BRCA1: variants seen among roughly 807,000 people sequenced by gnomAD.
BRCA1 encodes breast cancer type 1 susceptibility protein.
Under a neutral mutation model 173.7 loss-of-function variants are expected in BRCA1, and 140 were observed. The ratio of observed to expected loss-of-function variants is 0.81; its 90% CI spans 0.70 to 0.93. The LOEUF is 0.93. Among genes scored for constraint, BRCA1 ranks in the 40% least tolerant of loss-of-function variants. The pLI, the probability that BRCA1 is intolerant of heterozygous loss-of-function variation, is 0.00. For missense variants in BRCA1, 1,983 were observed against 2,172.5 expected, an observed-to-expected ratio of 0.91 and a Z score of 1.73; for synonymous variants, 662 against 756.0, an observed-to-expected ratio of 0.88 and a Z score of 2.04.
intron 11 of BRCA1, among the ~76,000 whole-genome samples, chr17:43,082,949 T>G (rs2053086266): frequency 6.6e-6 from 1 of 152,190 alleles, no homozygotes; most frequent in African/African-American, 2.4e-5. Flanking sequence ...ATGGGCACAT[T>G]TCAAAGACTT....
chr17:43,087,106 T>C (rs1170987815), intron 11 of BRCA1, among the ~76,000 whole-genome samples: 1 of 152,176 alleles, frequency 6.6e-6, no homozygotes, highest in Non-Finnish European at 1.5e-5. Context: ...TGGAAGAGCA[T>C]AAACTGGTTT....
chr17:43,077,751 T>C (rs902017036), intron 12 of BRCA1, among the ~76,000 whole-genome samples: 24 of 5,664 alleles, frequency 4.2e-3, no homozygotes, highest in Non-Finnish European at 7.3e-3. Flanking sequence ...TTATTTTTTT[T>C]GAGATGGAGT....
chr17:43,151,745 A>C (rs1472044959), intron 1 of BRCA1, among the ~76,000 whole-genome samples: 1 of 152,192 alleles, frequency 6.6e-6, no homozygotes, highest in African/African-American at 2.4e-5. Flanking sequence ...GTTTAAAAAA[A>C]CTTAGCCGCA....
Position 43,076,103 on chromosome 17 carries a change from T to C in BRCA1, c.4484+385A>G, listed in dbSNP as rs8176206. ...ACCCTGTCTCAAAAAATAATAATAA[T>C]AGTAATTATTATTATTATTTTCTGT... is the stretch of plus-strand genomic sequence containing the variant. On this transcript the variant is annotated intron_variant, in intron 13 of 22. Transcript: ENST00000357654. Among the ~76,000 whole-genome samples the C allele has an allele frequency of 0.01, 1,548 of 151,650 alleles. 34 individuals are homozygous for C. Among genetic ancestry groups the C allele is most frequent in the African/African-American group, 0.036 (1,484 of 41,332 alleles).
At position 43,063,947 on chromosome 17, in the gene BRCA1, A is replaced by G. The variant is rs2051936328; in HGVS notation, c.5079T>C (p.Ala1693=). The part of the protein sequence containing the change: ...ETTHVVMKTD[A]EFVCERTLKY... ...TCAGTGTCCGTTCACACACAAACTCAGCATCTGCAGAATGAAAAACACTCA... is the reference window on the plus strand; with the variant it reads ...TCAGTGTCCGTTCACACACAAACTCGGCATCTGCAGAATGAAAAACACTCA... The change falls in exon 17 of 23, where the codon GCT becomes GCC. Residue 1693 remains alanine, a synonymous_variant. Transcript: ENST00000357654. The G allele has an allele frequency of 6.2e-7, 1 of 1,614,034 alleles. No homozygotes were observed. Among genetic ancestry groups the G allele is most frequent in the Non-Finnish European group, 8.5e-7 (1 of 1,179,898 alleles).
At chr17:43,075,976 C>A (rs1381652025) in intron 13 of BRCA1, among the ~76,000 whole-genome samples, 1 of 151,800 alleles carries the variant, frequency 6.6e-6, no homozygotes, top group Non-Finnish European at 1.5e-5. Context: ...GCTTGTGGAC[C>A]CAGCTACTCA....
At chr17:43,053,864 G>C (rs1007274276) in intron 19 of BRCA1, among the ~76,000 whole-genome samples, 1 of 151,864 alleles carries the variant, frequency 6.6e-6, no homozygotes, top group African/African-American at 2.4e-5. Context: ...AGCTACTTAG[G>C]AGGCTGAGGC....
intron 2 of BRCA1, among the ~76,000 whole-genome samples, chr17:43,116,501 C>T (rs8176096): frequency 3.1e-3 from 479 of 152,304 alleles, no homozygotes; most frequent in South Asian, 7.0e-3. Flanking sequence ...CAGGCATGAG[C>T]CAACACACCC....
intron 5 of BRCA1, 125 bp from the exon 6 acceptor site, chr17:43,104,386 C>T: frequency 9.2e-7 from 1 of 1,083,160 alleles, no homozygotes; most frequent in South Asian, 1.6e-5. Context: ...TTAAGGTTAC[C>T]TGTGATTTTT....
chr17:43,106,672 C>T (rs1186119282), intron 3 of BRCA1, 139 bp from the exon 4 acceptor site: 3 of 654,364 alleles, frequency 4.6e-6, no homozygotes, highest in Non-Finnish European at 7.9e-6. Flanking sequence ...AGGTGAATTA[C>T]AAGCAATAGT....
At chr17:43,069,925 T>G (rs2052310189) in intron 15 of BRCA1, among the ~76,000 whole-genome samples, 2 of 152,154 alleles carry the variant, frequency 1.3e-5, no homozygotes, top group African/African-American at 4.8e-5. Context: ...TAAAGAAATA[T>G]TCACGCAATT....
intron 12 of BRCA1, among the ~76,000 whole-genome samples, chr17:43,080,604 A>C (rs2052960795): frequency 6.6e-6 from 1 of 152,118 alleles, no homozygotes. Flanking sequence ...CAGGAGTTTG[A>C]GACCAACTTG....
In BRCA1 at chr17:43,051,078, T is replaced by A. The variant is rs80357324; in HGVS notation, c.5317A>T (p.Thr1773Ser). 19 of 1,613,864 alleles carry A rather than the reference T, an allele frequency of 1.2e-5. No individual in the cohort carries two copies. The highest frequency in any genetic ancestry group is 1.6e-5 in the Non-Finnish European group (19 of 1,179,958). ...AGGCTCTTACCTGTGGGCATGTTGG[T>A]GAAGGGCCCATAGCAACAGATTTCT... Reference protein sequence around the residue: ...GLEICCYGPFTNMPTDQLEWM... With the variant: ...GLEICCYGPFSNMPTDQLEWM... Residue 1773 changes from threonine to serine, a missense_variant, in exon 20 of 23, where the codon ACC becomes TCC. By Grantham distance (58) the Thr-to-Ser change is moderately conservative. Coordinates refer to ENST00000357654, the MANE Select transcript of BRCA1 (RefSeq NM_007294.4).
At position 43,073,764 on chromosome 17, in the gene BRCA1, A is replaced by T. The variant is rs8176216; in HGVS notation, c.4675+567T>A. 0.3 allele frequency among the ~76,000 whole-genome samples: 44,649 copies of T among 150,984 alleles called. 7,054 individuals carry two copies. The highest frequency in any genetic ancestry group is 0.48 in the South Asian group (2,302 of 4,796). ...TATATGTGTGTATATATATATATAT[A>T]TATTTTTTGAGATGGAGTCTTGCTC... is the stretch of plus-strand genomic sequence containing the variant. On this transcript the variant is annotated intron_variant, in intron 14 of 22. Transcript: ENST00000357654.
chr17:43,077,286 AG>A (rs1305043890), intron 12 of BRCA1, among the ~76,000 whole-genome samples: 2 of 152,194 alleles, frequency 1.3e-5, no homozygotes, highest in East Asian at 3.8e-4. Context: ...TGGCACAAGA[AG>A]GGAAAAATCA....
intron 6 of BRCA1, among the ~76,000 whole-genome samples, chr17:43,100,656 A>ATATGT (rs2054394884): frequency 5.0e-5 from 1 of 20,162 alleles, no homozygotes; most frequent in Non-Finnish European, 6.9e-5. Flanking sequence ...CATATATATA[A>ATATGT]CATATATATA....
In BRCA1 at chr17:43,083,497, A is replaced by G. The variant is rs553428986; in HGVS notation, c.4186-922T>C. ...AACAGAAAAAGCAAAAAGCTAATTC[A>G]TGAATCTATCTGTTTGCTCAGTTAA... On this transcript the variant is annotated intron_variant, in intron 11 of 22. Transcript: ENST00000357654. Among the ~76,000 whole-genome samples, 9 of 152,310 alleles carry G rather than the reference A, an allele frequency of 5.9e-5. No homozygotes were observed. The South Asian group carries it at 1.9e-3, about 32-fold the overall frequency.
intron 1 of BRCA1, among the ~76,000 whole-genome samples, chr17:43,153,252 G>A (rs2154581622): frequency 6.6e-6 from 1 of 152,242 alleles, no homozygotes; most frequent in South Asian, 2.1e-4. Context: ...GAACGTGTAA[G>A]CAGAAACTCA....
At chr17:43,128,548 C>T (rs1412619979), upstream of BRCA1, among the ~76,000 whole-genome samples, 1 of 152,082 alleles carries the variant, frequency 6.6e-6, no homozygotes, top group African/African-American at 2.4e-5. Context: ...TGGAAGGCCA[C>T]GACTCCTCAG....
Sources: gnomAD v4.1 joint callset for allele counts (sites outside exome capture counted in the v4.1 genomes callset) on GRCh38, gnomAD v4.1.1 for gene constraint, MANE v1.5 for transcripts, NCBI Gene and HGNC (gene_info 2026-07-23, HGNC 2026-07-21) for gene names.